Variants in LNX1 observed in about 807,000 individuals in gnomAD.
LNX1 encodes ligand of numb-protein X 1.
A neutral mutation model predicts 68.4 loss-of-function variants in LNX1; 54 were observed. The ratio of observed to expected loss-of-function variants is 0.79; its 90% confidence interval spans 0.63 to 0.99. The LOEUF (loss-of-function observed/expected upper bound fraction) is 0.99. Among genes scored for constraint, LNX1 ranks in the 50% least tolerant of loss-of-function variants. The pLI, the probability that LNX1 is intolerant of heterozygous loss-of-function variation, is 0.00. For synonymous variants in LNX1, 336 were observed against 350.0 expected (o/e 0.96, Z 0.45); for missense variants, 906 against 926.4 (o/e 0.98, Z 0.29).
chr4:53,554,592 G>A (rs531045935), intron 2 of LNX1, among the ~76,000 whole-genome samples: 1 of 152,298 alleles, frequency 6.6e-6, no homozygotes, highest in South Asian at 2.1e-4. Flanking sequence ...AGTGGCTCAC[G>A]CCTGTAATCC....
At chr4:53,467,700 G>T (rs1231565955) in intron 9 of LNX1, among the ~76,000 whole-genome samples, 3 of 152,216 alleles carry the variant, frequency 2.0e-5, no homozygotes. Flanking sequence ...GAATGCACAA[G>T]CCTCAGTAGC....
chr4:53,566,421 G>T (rs1290740782), intron 2 of LNX1, among the ~76,000 whole-genome samples: 1,983 of 151,818 alleles, frequency 0.013, 49 homozygotes, highest in African/African-American at 0.046. Flanking sequence ...GAAGGAGAAA[G>T]AAAATACTTT....
intron 1 of LNX1, among the ~76,000 whole-genome samples, chr4:53,648,823 G>A (rs530206743): frequency 6.6e-6 from 1 of 152,166 alleles, no homozygotes; most frequent in Non-Finnish European, 1.5e-5. Context: ...CATTCATGGT[G>A]CAGAATTGCT....
chr4:53,588,132 C>G (rs1435902176), intron 1 of LNX1, among the ~76,000 whole-genome samples: 1 of 152,184 alleles, frequency 6.6e-6, no homozygotes, highest in African/African-American at 2.4e-5. Flanking sequence ...CAGGCACTTT[C>G]CATGTAATTA....
intron 2 of LNX1, among the ~76,000 whole-genome samples, chr4:53,563,071 T>G (rs1336253750): frequency 1.3e-5 from 2 of 152,216 alleles, no homozygotes; most frequent in East Asian, 1.9e-4. Context: ...CCGGGCATGG[T>G]GGTGGGCACC....
At chr4:53,641,003 G>A (rs533448628) in intron 1 of LNX1, among the ~76,000 whole-genome samples, 6 of 152,348 alleles carry the variant, frequency 3.9e-5, no homozygotes, top group Admixed American at 2.0e-4. Context: ...GGTATTGGAA[G>A]GCTGGCTGCT....
chr4:53,629,341 C>T (rs1577811506), intron 1 of LNX1, among the ~76,000 whole-genome samples: 1 of 152,118 alleles, frequency 6.6e-6, no homozygotes. Flanking sequence ...GGCTGCAAGG[C>T]CCCAACCACC....
At chr4:53,600,687 G>C (rs941360764) in intron 2 of LNX1, among the ~76,000 whole-genome samples, 1 of 151,944 alleles carries the variant, frequency 6.6e-6, no homozygotes, top group Non-Finnish European at 1.5e-5. Flanking sequence ...ACTTGGACAT[G>C]AACCTGGATG....
At chr4:53,529,216 T>TA (rs1727851738) in intron 2 of LNX1, among the ~76,000 whole-genome samples, 1 of 151,274 alleles carries the variant, frequency 6.6e-6, no homozygotes, top group Non-Finnish European at 1.5e-5. Flanking sequence ...ATCTAGGAGA[T>TA]AAGGGCACTG....
At chr4:53,504,541 A>G (rs961183156) in intron 4 of LNX1, among the ~76,000 whole-genome samples, 3 of 152,346 alleles carry the variant, frequency 2.0e-5, no homozygotes, top group African/African-American at 7.2e-5. Context: ...TCATGTGTTC[A>G]CTGGAAGTAG....
chr4:53,652,050 AG>A (rs1560708610), intron 1 of LNX1: 3,076 of 152,056 alleles, frequency 0.02, 117 homozygotes, highest in African/African-American at 0.071. Flanking sequence ...AGAGAGAGAG[AG>A]AGAGAGAGAG....
intron 1 of LNX1, among the ~76,000 whole-genome samples, chr4:53,588,046 G>A (rs1262485679): frequency 1.3e-5 from 2 of 152,136 alleles, no homozygotes; most frequent in East Asian, 3.8e-4. Flanking sequence ...GACCTAAGAT[G>A]TCTAACTGTA....
intron 2 of LNX1, among the ~76,000 whole-genome samples, chr4:53,560,944 C>T (rs140083096): frequency 1.1e-4 from 17 of 152,314 alleles, no homozygotes; most frequent in African/African-American, 2.9e-4. Flanking sequence ...GCTTCCTTGC[C>T]GGTAAACAGC....
rs1206722211 is a variant in LNX1, at chr4:53,476,843, C to A, written c.1802G>T (p.Cys601Phe). The change falls in exon 9 of 11, where the codon TGC becomes TTC. Residue 601 changes from cysteine to phenylalanine, a missense_variant. Coordinates refer to ENST00000263925, the MANE Select transcript of LNX1 (RefSeq NM_001126328.3). ...EVKEYEPQED[C>F]SSPAALDSNH... The stretch of plus-strand genomic sequence containing the variant: ...GGAGTCCAGGGCTGCTGGGCTGCTG[C>A]AGTCTTCCTGGGGCTCATACTCTTT... The A allele has an allele frequency of 8.7e-6, 14 of 1,614,092 alleles. No individual in the cohort carries two copies. Among genetic ancestry groups the A allele is most frequent in the Middle Eastern group, 1.6e-4 (1 of 6,084 alleles).
At chr4:53,600,369 C>T (rs1309252508) in intron 2 of LNX1, among the ~76,000 whole-genome samples, 1 of 152,148 alleles carries the variant, frequency 6.6e-6, no homozygotes, top group Non-Finnish European at 1.5e-5. Context: ...AATTGTTTTG[C>T]TGGCCTACTC....
rs1475326392 is a variant in LNX1 at position 53,526,746 on chromosome 4, ACT to A, written c.381-18521_381-18520del. 6.6e-5 allele frequency among the ~76,000 whole-genome samples: 10 copies of A among 151,454 alleles called. 1 individual carries two copies. Among genetic ancestry groups the A allele is most frequent in the African/African-American group, 1.9e-4 (8 of 41,198 alleles). On this transcript the variant is annotated intron_variant, in intron 2 of 10. Transcript: ENST00000263925. ...TTTCCTTCAGGCTCATGGTAAAATTACTCTCTTTTCTCTTGAACTTTTGTAAC... is the reference window on the plus strand; with the variant it reads ...TTTCCTTCAGGCTCATGGTAAAATTACTCTTTTCTCTTGAACTTTTGTAAC...
At chr4:53,480,736 G>A (rs941087019) in intron 7 of LNX1, among the ~76,000 whole-genome samples, 7 of 152,110 alleles carry the variant, frequency 4.6e-5, no homozygotes, top group African/African-American at 1.7e-4. Context: ...GTATAAAGCA[G>A]AGATGTTCCA....
intron 1 of LNX1, among the ~76,000 whole-genome samples, chr4:53,632,353 AGCTTCTGAGAGT>A (rs1367596443): frequency 6.6e-6 from 1 of 152,196 alleles, no homozygotes; most frequent in African/African-American, 2.4e-5. Flanking sequence ...CCCATCTCCT[AGCTTCTGAGAGT>A]GTGGCTGCTG....
At chr4:53,532,119 C>A (rs1054896273) in intron 2 of LNX1, among the ~76,000 whole-genome samples, 5 of 152,338 alleles carry the variant, frequency 3.3e-5, no homozygotes, top group African/African-American at 1.2e-4. Flanking sequence ...GGCTTAAGTT[C>A]TTAAGAAAGG....
Sources: gnomAD v4.1 joint callset for allele counts (sites outside exome capture counted in the v4.1 genomes callset) on GRCh38, gnomAD v4.1.1 for gene constraint, MANE v1.5 for transcripts, NCBI Gene and HGNC (gene_info 2026-07-23, HGNC 2026-07-21) for gene names.